The following TBCE variants were observed in gnomAD, a reference collection of about 807,000 sequenced individuals.
The protein encoded by TBCE is tubulin folding cofactor E.
Under a neutral mutation model 77.0 loss-of-function variants are expected in TBCE, and 53 were observed. That is an observed-to-expected ratio of 0.69 (90% confidence interval 0.55 to 0.87). TBCE has a LOEUF of 0.87. Among genes scored for constraint, TBCE ranks in the 40% least tolerant of loss-of-function variants. The pLI, the probability that TBCE is intolerant of heterozygous loss-of-function variation, is 0.00. For synonymous variants in TBCE, 235 were observed against 241.3 expected, an observed-to-expected ratio of 0.97 and a Z score of 0.24; for missense variants, 624 against 622.4, an observed-to-expected ratio of 1.00 and a Z score of -0.03.
At chr1:235,380,592 T>C (rs1484014354) in intron 2 of TBCE, among the ~76,000 whole-genome samples, 1 of 152,104 alleles carries the variant, frequency 6.6e-6, no homozygotes, top group African/African-American at 2.4e-5. Flanking sequence ...TTGGTATAAA[T>C]TTACCTATGT....
At chr1:235,442,955 G>A (rs368077100) in intron 15 of TBCE, 44 bp downstream of exon 15, 197 of 1,598,118 alleles carry the variant, frequency 1.2e-4, no homozygotes, top group South Asian at 6.3e-4. Context: ...CTGAATCATC[G>A]GCCTAGGTAT....
rs6681314 is a variant in TBCE at position 235,426,936 on chromosome 1, G to A, written c.461-204G>A. ...GCCGGGATTACAGGCGTGAGCCACC[G>A]CGCCTGGCCTCACAATGAACTTTTT... On this transcript the variant is annotated intron_variant, in intron 5 of 16. Coordinates refer to ENST00000642610, the MANE Select transcript of TBCE (RefSeq NM_003193.5). Among the ~76,000 whole-genome samples, 3,474 of 152,248 alleles carry A rather than the reference G, an allele frequency of 0.023. 140 individuals are homozygous for A. Among genetic ancestry groups the A allele is most frequent in the African/African-American group, 0.078 (3,248 of 41,536 alleles).
At chr1:235,390,422 T>G (rs1282276670) in intron 2 of TBCE, among the ~76,000 whole-genome samples, 1 of 152,040 alleles carries the variant, frequency 6.6e-6, no homozygotes, top group Non-Finnish European at 1.5e-5. Context: ...ATCCGGTTTA[T>G]CCAGTTGGGC....
chr1:235,372,048 C>T (rs1478264302), intron 1 of TBCE, among the ~76,000 whole-genome samples: 3 of 151,924 alleles, frequency 2.0e-5, no homozygotes, highest in Admixed American at 2.0e-4. Context: ...GTGGTGTGAT[C>T]AGGGCTCACT....
chr1:235,419,215 A>G (rs1680259476), intron 4 of TBCE: 8 of 560,682 alleles, frequency 1.4e-5, no homozygotes, highest in Non-Finnish European at 2.5e-5. Flanking sequence ...TAAAAAGCAA[A>G]AAGAAAAGTT....
At chr1:235,427,958 A>T (rs1461852534) in intron 6 of TBCE, among the ~76,000 whole-genome samples, 1 of 151,698 alleles carries the variant, frequency 6.6e-6, no homozygotes, top group African/African-American at 2.4e-5. Context: ...TGAACCCGGG[A>T]GGCAGAGGTT....
intron 3 of TBCE, 91 bp from the exon 4 acceptor site, chr1:235,414,342 G>T (rs1679987673): frequency 4.0e-6 from 5 of 1,263,442 alleles, no homozygotes; most frequent in Non-Finnish European, 3.4e-6. Context: ...TTTTTAGCAT[G>T]TAGAAATTTT....
intron 3 of TBCE, among the ~76,000 whole-genome samples, chr1:235,405,162 C>T (rs1260472400): frequency 2.0e-4 from 30 of 151,834 alleles, no homozygotes; most frequent in Non-Finnish European, 1.5e-5. Flanking sequence ...GGGGTTTCGC[C>T]ATGTTGGCCA....
At chr1:235,434,078 A>C in intron 7 of TBCE, 126 bp from the exon 8 acceptor site, 1 of 840,930 alleles carries the variant, frequency 1.2e-6, no homozygotes, top group Non-Finnish European at 2.1e-6. Context: ...AGTCTTATGA[A>C]CTGTCCGTGA....
intron 13 of TBCE, among the ~76,000 whole-genome samples, chr1:235,439,686 C>CCATA (rs1307228418): frequency 6.6e-6 from 1 of 151,366 alleles, no homozygotes; most frequent in Non-Finnish European, 1.5e-5. Flanking sequence ...CGGGGTTTCA[C>CCATA]CATATTGGCC....
At chr1:235,445,125 T>A (rs1682156919) in intron 15 of TBCE, among the ~76,000 whole-genome samples, 1 of 152,256 alleles carries the variant, frequency 6.6e-6, no homozygotes, top group African/African-American at 2.4e-5. Context: ...GAATTACTAC[T>A]TTAAACTATT....
intron 5 of TBCE, among the ~76,000 whole-genome samples, chr1:235,425,091 C>T (rs1351770894): frequency 6.6e-6 from 1 of 152,142 alleles, no homozygotes; most frequent in Non-Finnish European, 1.5e-5. Flanking sequence ...GCTGGCACTC[C>T]TCCACGGCCT....
At chr1:235,410,075 C>T (rs1448204191) in intron 3 of TBCE, among the ~76,000 whole-genome samples, 1 of 148,492 alleles carries the variant, frequency 6.7e-6, no homozygotes, top group Non-Finnish European at 1.5e-5. Flanking sequence ...ATTAGCCGGG[C>T]GTGGTGTTGC....
intron 7 of TBCE, chr1:235,432,955 C>T (rs1050791362): frequency 2.1e-6 from 3 of 1,399,416 alleles, no homozygotes; most frequent in Admixed American, 2.6e-5. Flanking sequence ...GGCTCATGCG[C>T]AGTGTGGTGG....
intron 2 of TBCE, among the ~76,000 whole-genome samples, chr1:235,387,580 C>G (rs555445243): frequency 2.6e-5 from 4 of 152,164 alleles, no homozygotes; most frequent in African/African-American, 4.8e-5. Flanking sequence ...AGTGAGACTC[C>G]GTAGGTGTAG....
intron 5 of TBCE, among the ~76,000 whole-genome samples, chr1:235,420,726 C>A (rs1680356086): frequency 6.6e-6 from 1 of 152,162 alleles, no homozygotes; most frequent in Non-Finnish European, 1.5e-5. Context: ...GGTCATCCGC[C>A]CACCTTGGCC....
chr1:235,419,794 G>C (rs1362730734), intron 5 of TBCE, among the ~76,000 whole-genome samples: 3 of 152,138 alleles, frequency 2.0e-5, no homozygotes, highest in African/African-American at 7.2e-5. Flanking sequence ...CTCCTTGAAA[G>C]GGGGCACACT....
chr1:235,436,268 T>G, intron 9 of TBCE, 118 bp from the exon 10 acceptor site: 1 of 878,078 alleles, frequency 1.1e-6, no homozygotes, highest in Non-Finnish European at 1.9e-6. Context: ...TTTCTAAGTA[T>G]TTTACATGGG....
At chr1:235,390,189 T>C (rs1278921563) in intron 2 of TBCE, among the ~76,000 whole-genome samples, 4 of 152,002 alleles carry the variant, frequency 2.6e-5, no homozygotes, top group African/African-American at 9.7e-5. Flanking sequence ...CTTCTTGTAA[T>C]TGGAGATATT....
Sources: allele counts gnomAD v4.1 joint callset (sites outside exome capture counted in the v4.1 genomes callset), GRCh38; gene constraint gnomAD v4.1.1; transcripts MANE v1.5; gene names NCBI Gene and HGNC (gene_info 2026-07-23, HGNC 2026-07-21).